UTRN: variants seen among roughly 807,000 people sequenced by gnomAD.
The protein encoded by UTRN is utrophin, also known as dystrophin-related protein 1.
A neutral mutation model predicts 463.9 loss-of-function variants in UTRN; 283 were observed. That is an observed-to-expected ratio of 0.61 (90% CI 0.55 to 0.67). The LOEUF is 0.67. Among genes scored for constraint, UTRN ranks in the 30% least tolerant of loss-of-function variants. The pLI is 0.00. For missense variants in UTRN, 3,922 were observed against 4,084.3 expected, an observed-to-expected ratio of 0.96 and a Z score of 1.08; for synonymous variants, 1,442 against 1,431.5, an observed-to-expected ratio of 1.01 and a Z score of -0.17.
At chr6:144,849,222 T>C (rs1392149285) in intron 74 of UTRN, among the ~76,000 whole-genome samples, 1 of 152,108 alleles carries the variant, frequency 6.6e-6, no homozygotes, top group East Asian at 1.9e-4. Context: ...TGCAGATCTC[T>C]ATATGACTAG....
chr6:144,647,629 A>G (rs1464141320), intron 51 of UTRN, among the ~76,000 whole-genome samples: 2 of 152,226 alleles, frequency 1.3e-5, no homozygotes, highest in African/African-American at 4.8e-5. Flanking sequence ...GGTCTAGGGG[A>G]ATTTCCTTGC....
chr6:144,420,894 C>T (rs1784777948), intron 3 of UTRN, among the ~76,000 whole-genome samples: 1 of 152,158 alleles, frequency 6.6e-6, no homozygotes, highest in African/African-American at 2.4e-5. Context: ...TAATGCGTCT[C>T]GTTATCATTG....
rs1199579909 is a variant in UTRN, at chr6:144,622,184, G to GTTTTTTTTTTTTTTT, written c.7479+44903_7479+44917dup. Among the ~76,000 whole-genome samples the GTTTTTTTTTTTTTTT allele has an allele frequency of 5.7e-5, 5 of 88,202 alleles. 1 individual carries two copies. Among genetic ancestry groups the GTTTTTTTTTTTTTTT allele is most frequent in the South Asian group, 4.7e-4 (1 of 2,122 alleles). 57.9% of individuals were successfully genotyped at this position (88,202 alleles called of 152,430 possible). On this transcript the variant is annotated intron_variant, in intron 51 of 74. Coordinates refer to ENST00000367545, the MANE Select transcript of UTRN (RefSeq NM_007124.3). ...TAGATGGTATCCATTTTTTTTTGTT[G>GTTTTTTTTTTTTTTT]TTTTTTTTTTTTTTTTTTTTTGGAG...
chr6:144,345,872 A>C (rs893198435), intron 2 of UTRN, among the ~76,000 whole-genome samples: 1 of 152,058 alleles, frequency 6.6e-6, no homozygotes, highest in Non-Finnish European at 1.5e-5. Flanking sequence ...GTACAAACAA[A>C]CCTTTAAATA....
chr6:144,443,840 TGAA>T, intron 13 of UTRN, among the ~76,000 whole-genome samples: 1 of 152,250 alleles, frequency 6.6e-6, no homozygotes, highest in South Asian at 2.1e-4. Context: ...GTACCACAGA[TGAA>T]AATTTTCTTG....
At chr6:144,610,612 C>T (rs1451150314) in intron 51 of UTRN, among the ~76,000 whole-genome samples, 3 of 152,206 alleles carry the variant, frequency 2.0e-5, no homozygotes, top group Admixed American at 6.5e-5. Flanking sequence ...TGGTGGCTTA[C>T]GCCTGTAATC....
chr6:144,378,388 G>A (rs1780639882), intron 2 of UTRN, among the ~76,000 whole-genome samples: 1 of 152,128 alleles, frequency 6.6e-6, no homozygotes, highest in Admixed American at 6.6e-5. Flanking sequence ...TGCCCTCTTG[G>A]GCTTACCCAA....
rs141639140 is a variant in UTRN at position 144,782,765 on chromosome 6, T to A, written c.8834+642T>A. Among the ~76,000 whole-genome samples the A allele has an allele frequency of 1.5e-3, 225 of 152,250 alleles. 1 individual carries two copies. The highest frequency in any genetic ancestry group is 5.0e-3 in the African/African-American group (206 of 41,554). Reference sequence around the variant, plus strand: ...CCAGCATAACTCATTTGCCATTAATTTGGCCCTTTTGAATACGACAGTACA... The same window carrying A: ...CCAGCATAACTCATTTGCCATTAATATGGCCCTTTTGAATACGACAGTACA... On this transcript the variant is annotated intron_variant, in intron 61 of 74. Transcript: ENST00000367545.
intron 2 of UTRN, among the ~76,000 whole-genome samples, chr6:144,359,508 C>T (rs916759623): frequency 2.6e-5 from 4 of 152,184 alleles, no homozygotes; most frequent in Admixed American, 1.3e-4. Flanking sequence ...GTTTCTGATA[C>T]GCCCTTCAGA....
chr6:144,847,599 A>T (rs766319021), intron 74 of UTRN, among the ~76,000 whole-genome samples: 12 of 152,128 alleles, frequency 7.9e-5, no homozygotes, highest in Non-Finnish European at 1.8e-4. Flanking sequence ...CATTTTTCTC[A>T]GGGTGGGAGG....
intron 51 of UTRN, among the ~76,000 whole-genome samples, chr6:144,598,377 A>C (rs1803876367): frequency 6.6e-6 from 1 of 152,148 alleles, no homozygotes; most frequent in Non-Finnish European, 1.5e-5. Flanking sequence ...GAATCAATCG[A>C]AGGGAGTGTC....
intron 58 of UTRN, among the ~76,000 whole-genome samples, chr6:144,760,050 TTA>T (rs1330166432): frequency 1.3e-5 from 2 of 152,166 alleles, no homozygotes; most frequent in African/African-American, 4.8e-5. Context: ...TATATCATGA[TTA>T]TCTGTGTGGT....
intron 2 of UTRN, among the ~76,000 whole-genome samples, chr6:144,335,604 G>T (rs988733169): frequency 1.3e-5 from 2 of 152,132 alleles, no homozygotes; most frequent in African/African-American, 2.4e-5. Flanking sequence ...CTCTTTCACT[G>T]CTGTACTGCA....
At chr6:144,831,177 A>T (rs910781340) in intron 69 of UTRN, among the ~76,000 whole-genome samples, 3 of 152,198 alleles carry the variant, frequency 2.0e-5, no homozygotes, top group Non-Finnish European at 4.4e-5. Flanking sequence ...CCCCCCAAAG[A>T]TGTCCACATC....
intron 53 of UTRN, among the ~76,000 whole-genome samples, chr6:144,729,659 T>C (rs1788307333): frequency 2.0e-5 from 3 of 152,180 alleles, no homozygotes; most frequent in Non-Finnish European, 4.4e-5. Context: ...GTTTGGTTGT[T>C]TTTATAGGTG....
rs1370745805 is a variant in UTRN at position 144,832,049 on chromosome 6, T to A, written c.9665+3194T>A. 3.3e-5 allele frequency among the ~76,000 whole-genome samples: 5 copies of A among 152,244 alleles called. No homozygotes were observed. In the East Asian group the frequency reaches 9.6e-4, roughly 29 times the overall value. ...TTAACTGTAGTATAATTATATTCCATCTAATGATATTTCCTTGGTGCAAAC... is the reference window on the plus strand; with the variant it reads ...TTAACTGTAGTATAATTATATTCCAACTAATGATATTTCCTTGGTGCAAAC... On this transcript the variant is annotated intron_variant, in intron 69 of 74. Coordinates refer to ENST00000367545, the MANE Select transcript of UTRN (RefSeq NM_007124.3).
intron 51 of UTRN, among the ~76,000 whole-genome samples, chr6:144,655,464 T>C (rs1339895122): frequency 6.6e-6 from 1 of 152,230 alleles, no homozygotes; most frequent in African/African-American, 2.4e-5. Flanking sequence ...AAGAAATAAG[T>C]TGGATCTTTC....
intron 52 of UTRN, among the ~76,000 whole-genome samples, chr6:144,693,748 C>T (rs1783679886): frequency 6.6e-6 from 1 of 152,024 alleles, no homozygotes; most frequent in Admixed American, 6.5e-5. Context: ...TTTTTTTATC[C>T]TGAGACGCTG....
chr6:144,783,545 A>G (rs1046595054), intron 61 of UTRN, among the ~76,000 whole-genome samples: 2 of 152,216 alleles, frequency 1.3e-5, no homozygotes, highest in Non-Finnish European at 2.9e-5. Flanking sequence ...TAAAATATCC[A>G]TCACCTGAAA....
Sources: allele counts gnomAD v4.1 joint callset (sites outside exome capture counted in the v4.1 genomes callset), GRCh38; gene constraint gnomAD v4.1.1; transcripts MANE v1.5; gene names NCBI Gene and HGNC (gene_info 2026-07-23, HGNC 2026-07-21).